RERE: variants seen among roughly 807,000 people sequenced by gnomAD.
RERE encodes the protein arginine-glutamic acid dipeptide repeats protein.
RERE carries 40 observed loss-of-function variants against 146.1 expected under a neutral mutation model. The ratio of observed to expected loss-of-function variants is 0.27; its 90% CI spans 0.21 to 0.36. The LOEUF (loss-of-function observed/expected upper bound fraction) is 0.36, where lower values mean the gene tolerates loss of function less well. Ranked by LOEUF, RERE falls within the 10% of genes least tolerant of loss-of-function variation. The pLI is 1.00. For synonymous variants in RERE, 1,003 were observed against 866.0 expected (o/e 1.16, Z -2.78); for missense variants, 1,933 against 2,138.7 (o/e 0.90, Z 1.90).
chr1:8,483,130 C>A (rs1312247082), intron 10 of RERE, among the ~76,000 whole-genome samples: 1 of 152,216 alleles, frequency 6.6e-6, no homozygotes, highest in South Asian at 2.1e-4. Context: ...TAGAGCCTAT[C>A]AGCTTTACCC....
At chr1:8,727,158 G>A (rs990362068) in intron 1 of RERE, among the ~76,000 whole-genome samples, 1 of 148,994 alleles carries the variant, frequency 6.7e-6, no homozygotes, top group African/African-American at 2.5e-5. Flanking sequence ...GCGCGGGGTG[G>A]GGGGAAAGGA....
intron 1 of RERE, among the ~76,000 whole-genome samples, chr1:8,791,463 C>T (rs1220777046): frequency 6.6e-6 from 1 of 152,092 alleles, no homozygotes; most frequent in Non-Finnish European, 1.5e-5. Flanking sequence ...GCAAGAGACA[C>T]TAAAAAAATA....
At chr1:8,508,113 T>TA (rs1645281722) in intron 8 of RERE, among the ~76,000 whole-genome samples, 1 of 152,200 alleles carries the variant, frequency 6.6e-6, no homozygotes, top group Non-Finnish European at 1.5e-5. Flanking sequence ...GATACGTACA[T>TA]ACAATGGGTC....
intron 10 of RERE, among the ~76,000 whole-genome samples, chr1:8,480,149 T>G (rs1267905779): frequency 2.0e-5 from 3 of 147,374 alleles, no homozygotes; most frequent in Admixed American, 2.0e-4. Flanking sequence ...TTTTGTTTTT[T>G]TTTTTTTTGA....
At chr1:8,403,538 G>A (rs1333853850) in intron 12 of RERE, among the ~76,000 whole-genome samples, 3 of 148,614 alleles carry the variant, frequency 2.0e-5, no homozygotes, top group Non-Finnish European at 3.0e-5. Flanking sequence ...GCTAATTTTT[G>A]TATTTTTAGT....
chr1:8,608,206 A>G (rs1570505596), intron 4 of RERE, among the ~76,000 whole-genome samples: 2 of 152,140 alleles, frequency 1.3e-5, no homozygotes, highest in Non-Finnish European at 2.9e-5. Flanking sequence ...TATTTTTTCA[A>G]TCAACTAGTA....
At chr1:8,586,242 AC>A (rs1646426554) in intron 4 of RERE, among the ~76,000 whole-genome samples, 2 of 150,044 alleles carry the variant, frequency 1.3e-5, no homozygotes, top group South Asian at 2.1e-4. Flanking sequence ...GCATAACTAA[AC>A]TATAGTGTAC....
At chr1:8,502,021 T>G (rs1233301367) in intron 8 of RERE, among the ~76,000 whole-genome samples, 2 of 92,016 alleles carry the variant, frequency 2.2e-5, no homozygotes, top group South Asian at 4.4e-4. Context: ...AGCCGCCCCG[T>G]CCGGGAGGGA....
intron 8 of RERE, among the ~76,000 whole-genome samples, chr1:8,498,221 C>T (rs907852738): frequency 3.3e-5 from 5 of 151,740 alleles, no homozygotes; most frequent in Admixed American, 1.3e-4. Flanking sequence ...TAGCCGAGCA[C>T]GGTGGCGGGC....
At chr1:8,500,446 G>A (rs1645116092) in intron 8 of RERE, among the ~76,000 whole-genome samples, 1 of 152,230 alleles carries the variant, frequency 6.6e-6, no homozygotes, top group Non-Finnish European at 1.5e-5. Context: ...TCCTGACCGC[G>A]AGTGATCCGC....
chr1:8,732,678 C>T (rs1044952296), intron 1 of RERE, among the ~76,000 whole-genome samples: 7 of 152,058 alleles, frequency 4.6e-5, no homozygotes, highest in Admixed American at 3.9e-4. Context: ...TATATTAATA[C>T]TGCTTCATCA....
chr1:8,550,908 T>A (rs943815725), intron 6 of RERE, among the ~76,000 whole-genome samples: 1 of 152,232 alleles, frequency 6.6e-6, no homozygotes, highest in African/African-American at 2.4e-5. Context: ...ATGTGACTAA[T>A]CTGTTTCAAG....
chr1:8,383,861 A>AAAAC (rs1432938805), intron 12 of RERE, among the ~76,000 whole-genome samples: 8 of 125,714 alleles, frequency 6.4e-5, no homozygotes, highest in African/African-American at 2.6e-4. Context: ...TCTGTCTCAA[A>AAAAC]AAATAAATAA....
chr1:8,805,663 A>T (rs886262976), intron 1 of RERE, among the ~76,000 whole-genome samples: 7 of 150,318 alleles, frequency 4.7e-5, no homozygotes, highest in Non-Finnish European at 1.0e-4. Context: ...AAAAAAAAAA[A>T]AACAAAAACA....
chr1:8,793,796 C>A (rs1310732746), intron 1 of RERE, among the ~76,000 whole-genome samples: 1 of 152,130 alleles, frequency 6.6e-6, no homozygotes, highest in Non-Finnish European at 1.5e-5. Flanking sequence ...AGGGCAGGTA[C>A]TATAACACCT....
intron 7 of RERE, among the ~76,000 whole-genome samples, chr1:8,529,592 G>A (rs764518131): frequency 7.3e-5 from 11 of 151,366 alleles, no homozygotes; most frequent in Admixed American, 4.6e-4. Context: ...GAGCCACCAC[G>A]CCCGGCCACA....
chr1:8,412,695 G>A (rs74049632), intron 12 of RERE, among the ~76,000 whole-genome samples: 3,480 of 152,302 alleles, frequency 0.023, 141 homozygotes, highest in African/African-American at 0.08. Context: ...CAGAACCGCT[G>A]CGCAAACAGG....
chr1:8,593,633 C>G (rs1557701211), intron 4 of RERE, among the ~76,000 whole-genome samples: 1 of 152,178 alleles, frequency 6.6e-6, no homozygotes, highest in Non-Finnish European at 1.5e-5. Context: ...ACTAATACAC[C>G]CTCCTTCAGC....
At chr1:8,729,577 A>G (rs1640042336) in intron 1 of RERE, among the ~76,000 whole-genome samples, 2 of 152,092 alleles carry the variant, frequency 1.3e-5, no homozygotes, top group African/African-American at 2.4e-5. Context: ...ACAATGGCAG[A>G]GTTCCATACT....
Sources: allele counts gnomAD v4.1 joint callset (sites outside exome capture counted in the v4.1 genomes callset), GRCh38; gene constraint gnomAD v4.1.1; transcripts MANE v1.5; gene names NCBI Gene and HGNC (gene_info 2026-07-23, HGNC 2026-07-21).